The following RNH1 variants were observed in gnomAD, a reference collection of about 807,000 sequenced individuals.
RNH1 encodes ribonuclease inhibitor.
RNH1 carries 38 observed loss-of-function variants against 46.1 expected under a neutral mutation model. The ratio of observed to expected loss-of-function variants is 0.82; its 90% confidence interval spans 0.64 to 1.08. The LOEUF is 1.08. Among genes scored for constraint, RNH1 ranks in the 50% least tolerant of loss-of-function variants. The probability of loss-of-function intolerance (pLI) is 0.00; values close to 1 mark genes in which losing one functional copy is unlikely to be tolerated. For missense variants in RNH1, 577 were observed against 590.7 expected, an observed-to-expected ratio of 0.98 and a Z score of 0.24; for synonymous variants, 319 against 279.1, an observed-to-expected ratio of 1.14 and a Z score of -1.43.
chr11:498,327 G>T, intron 8 of RNH1, 130 bp downstream of exon 8: 1 of 1,332,960 alleles, frequency 7.5e-7, no homozygotes, highest in Non-Finnish European at 1.0e-6. Flanking sequence ...GCTGCTCCCT[G>T]GCCTATGCAT....
intron 4 of RNH1, 79 bp from the exon 5 acceptor site, chr11:500,078 G>GAGC (rs1332405435): frequency 1.8e-5 from 26 of 1,429,446 alleles, no homozygotes; most frequent in Admixed American, 2.5e-5. Context: ...CCAGAGCCCG[G>GAGC]AGCAGCACTC....
chr11:498,159 A>C lies in RNH1; in HGVS notation c.957-18T>G, dbSNP rs369604821. On this transcript the variant is annotated intron_variant, in intron 8 of 10. Coordinates refer to ENST00000354420, the MANE Select transcript of RNH1 (RefSeq NM_203387.3). ...ACTTCACCCTGTGGACACAGACAGG[A>C]CTGACGCCTGGCAGGGGCCCAGGCT... 1,164 of 1,604,688 alleles carry C rather than the reference A, an allele frequency of 7.3e-4. No homozygotes were observed. Among genetic ancestry groups the C allele is most frequent in the Non-Finnish European group, 9.0e-4 (1,053 of 1,174,820 alleles).
chr11:497,571 ACGTG>A (rs1565019623), intron 9 of RNH1, among the ~76,000 whole-genome samples: 3 of 118,972 alleles, frequency 2.5e-5, no homozygotes, highest in Non-Finnish European at 3.6e-5. Context: ...ACACACGGAC[ACGTG>A]CTCATTCTTG....
At chr11:500,812 G>T in intron 3 of RNH1, 158 bp from the exon 4 acceptor site, 1 of 890,956 alleles carries the variant, frequency 1.1e-6, no homozygotes, top group Non-Finnish European at 1.8e-6. Context: ...AGGAGGAACT[G>T]TTCCATGAAA....
intron 2 of RNH1, 25 bp downstream of exon 2, chr11:504,799 G>C (rs1354852052): frequency 6.6e-6 from 1 of 152,262 alleles, no homozygotes; most frequent in African/African-American, 2.4e-5. Flanking sequence ...TCCAGGAATT[G>C]CCCAAACAAT....
rs919886682 is a variant in RNH1, at chr11:499,012, T to G, written c.614+3A>C. ...CCGCACCCCCCCAAGGCCCAGTGCC[T>G]ACTTGAGCGCCTCCAGCTGGCAGGG... On this transcript the variant is annotated splice_donor_region_variant and intron_variant, in intron 6 of 10. Transcript: ENST00000354420. The G allele has an allele frequency of 6.2e-7, 1 of 1,611,848 alleles. No individual in the cohort carries two copies. The highest frequency in any genetic ancestry group is 1.3e-5 in the African/African-American group (1 of 74,750).
chr11:505,391 G>C (rs1850177678), intron 1 of RNH1: 1 of 152,166 alleles, frequency 6.6e-6, no homozygotes, highest in African/African-American at 2.4e-5. Flanking sequence ...GGGGTGTCTG[G>C]GCGGCCGGCA....
Position 501,942 on chromosome 11 carries a change from C to T in RNH1, c.101+120G>A, listed in dbSNP as rs1290780989. ...ACATCTCATGCACGTGGTAGCTGCA[C>T]AGAATTCATACTTCATGTCCACAAA... On this transcript the variant is annotated intron_variant, in intron 3 of 10. Transcript: ENST00000354420. The surrounding 1 kb of genome is among the most constrained non-coding windows in gnomAD (Gnocchi z 4.1). The T allele has an allele frequency of 7.6e-6, 5 of 658,106 alleles. No homozygotes were observed. The highest frequency in any genetic ancestry group is 1.1e-5 in the Non-Finnish European group (4 of 369,256). 40.8% of individuals were successfully genotyped at this position (658,106 alleles called of 1,614,324 possible). A position where few individuals can be genotyped will look rare whatever the true frequency, so the allele number is the denominator to read the frequency against.
In RNH1 at chr11:498,624, G is replaced by C; in HGVS notation, c.789C>G (p.Ile263Met). 1 of 1,612,092 alleles carries C rather than the reference G, an allele frequency of 6.2e-7. No homozygotes were observed. The highest frequency in any genetic ancestry group is 8.5e-7 in the Non-Finnish European group (1 of 1,179,980). ...HPSSRLRTLW[I>M]WECGITAKGC... is the part of the protein sequence containing the mutation. Reference sequence around the variant, plus strand: ...CCTTGGCAGTGATGCCACACTCCCAGATCCTGCAGGACATGGACCACCACA... The same window carrying C: ...CCTTGGCAGTGATGCCACACTCCCACATCCTGCAGGACATGGACCACCACA... The change falls in exon 8 of 11, where the codon ATC (isoleucine) becomes ATG (methionine). Residue 263 changes from isoleucine to methionine, a missense_variant. Transcript: ENST00000354420.
In RNH1 at chr11:500,687, G is replaced by A. The variant is rs866561718; in HGVS notation, c.102-33C>T. On this transcript the variant is annotated intron_variant, in intron 3 of 10. Transcript: ENST00000354420. ...CAGACCCCAGGGTCATGTGGACCAC[G>A]CAGACAGCACTGGCCTCAGCCTCCA... is the stretch of plus-strand genomic sequence containing the variant. The A allele has an allele frequency of 1.8e-5, 29 of 1,599,092 alleles. 1 individual carries two copies. The Middle Eastern group carries it at 1.2e-3, about 63-fold the overall frequency.
Position 499,058 on chromosome 11 carries a change from A to C in RNH1, c.571T>G (p.Cys191Gly). Residue 191 changes from cysteine (C) to glycine (G), a missense_variant, in exon 6 of 11, where the codon TGC becomes GGC. Transcript: ENST00000354420. The stretch of plus-strand genomic sequence containing the variant: ...CAGGGGGAGTCCTTCAGGCCCTGGC[A>C]CAGCACACGGACGCCAGCCTCATTG... The part of the protein sequence containing the change: ...DINEAGVRVL[C>G]QGLKDSPCQL... 6.2e-7 allele frequency: 1 copy of C among 1,613,216 alleles called. No individual in the cohort carries two copies. Among genetic ancestry groups the C allele is most frequent in the Non-Finnish European group, 8.5e-7 (1 of 1,179,904 alleles).
Position 498,934 on chromosome 11 carries a change from C to T in RNH1, c.615-1G>A, listed in dbSNP as rs1402155458. 2.5e-6 allele frequency: 4 copies of T among 1,612,420 alleles called. No homozygotes were observed. Among genetic ancestry groups the T allele is most frequent in the Non-Finnish European group, 3.4e-6 (4 of 1,179,648 alleles). ...TGATGTCACACCGCAGCTCTCCAGC[C>T]TGGGGACACGGGTCACACGTGAGGC... On this transcript the variant is annotated splice_acceptor_variant, in intron 6 of 10. Transcript: ENST00000354420. LOFTEE classifies it high-confidence loss of function.
In RNH1 at chr11:498,591, C is replaced by G. The variant is rs1360671066; in HGVS notation, c.822G>C (p.Gly274=). The G allele has an allele frequency of 1.2e-6, 2 of 1,612,968 alleles. No homozygotes were observed. The highest frequency in any genetic ancestry group is 4.5e-5 in the East Asian group (2 of 44,882). Residue 274 remains glycine (G), a synonymous_variant, in exon 8 of 11, where the codon GGG becomes GGC. Coordinates refer to ENST00000354420, the MANE Select transcript of RNH1 (RefSeq NM_203387.3). ...WECGITAKGC[G]DLCRVLRAKE... is the part of the protein sequence containing the mutation. ...TGGCCCTGAGGACACGGCACAGATC[C>G]CCGCAGCCCTTGGCAGTGATGCCAC...
chr11:499,222 T>C (rs749221559), intron 5 of RNH1, 37 bp from the exon 6 acceptor site: 19 of 1,605,250 alleles, frequency 1.2e-5, no homozygotes, highest in Non-Finnish European at 1.4e-5. Flanking sequence ...CACAGGAATG[T>C]GCACCAGCCA....
chr11:502,281 AG>A lies in RNH1; in HGVS notation c.-87-33del. 2.6e-6 allele frequency: 2 copies of A among 773,788 alleles called. No homozygotes were observed. The highest frequency in any genetic ancestry group is 4.4e-6 in the Non-Finnish European group (2 of 456,874). The allele number at this position is 773,788 out of a possible 1,614,324, so 47.9% of individuals were successfully genotyped here. A position where few individuals can be genotyped will look rare whatever the true frequency, so the allele number is the denominator to read the frequency against. On this transcript the variant is annotated intron_variant, in intron 2 of 10. Coordinates refer to ENST00000354420, the MANE Select transcript of RNH1 (RefSeq NM_203387.3). The surrounding 1 kb of genome is among the most constrained non-coding windows in gnomAD (Gnocchi z 5.8). ...ACAGGACCCACAGGGCTGATGTTTCAGGAGGAGCCGCAGCCTCTCCCTGGGC... is the reference window on the plus strand; with the variant it reads ...ACAGGACCCACAGGGCTGATGTTTCAGAGGAGCCGCAGCCTCTCCCTGGGC...
intron 9 of RNH1, 69 bp from the exon 10 acceptor site, chr11:495,122 C>A: frequency 2.0e-6 from 3 of 1,508,044 alleles, no homozygotes; most frequent in Non-Finnish European, 2.7e-6. Context: ...CAGAGCAGGC[C>A]TGGGCCTGGG....
chr11:495,051 A>G lies in RNH1; in HGVS notation c.1130T>C (p.Leu377Ser). 6.2e-7 allele frequency: 1 copy of G among 1,603,872 alleles called. No homozygotes were observed. The highest frequency in any genetic ancestry group is 8.5e-7 in the Non-Finnish European group (1 of 1,176,244). Residue 377 changes from leucine to serine, a missense_variant and splice_region_variant, in exon 10 of 11, where the codon TTG becomes TCG. Transcript: ENST00000354420. Reference protein sequence around the residue: ...QPGSVLRVLWLADCDVSDSSC... With the variant: ...QPGSVLRVLWSADCDVSDSSC... ...GCTGTCACTCACATCGCAGTCGGCC[A>G]ACCTGGGTGAAGCAGGGCGGGGGTC...
chr11:502,391 A>C lies in RNH1; in HGVS notation c.-87-142T>G. ...GGGCAGGGGGCAGGGACCAGCACCC[A>C]CCCCCAGAAAGGCCACCATGGGCAG... On this transcript the variant is annotated intron_variant, in intron 2 of 10. Coordinates refer to ENST00000354420, the MANE Select transcript of RNH1 (RefSeq NM_203387.3). The surrounding 1 kb of genome is among the most constrained non-coding windows in gnomAD (Gnocchi z 5.8). 1 of 570,504 alleles carries C rather than the reference A, an allele frequency of 1.8e-6. No homozygotes were observed. The highest frequency in any genetic ancestry group is 3.1e-6 in the Non-Finnish European group (1 of 317,788). 35.3% of individuals were successfully genotyped at this position (570,504 alleles called of 1,614,324 possible). A position where few individuals can be genotyped will look rare whatever the true frequency, so the allele number is the denominator to read the frequency against.
In RNH1 at chr11:501,107, G is replaced by C. The variant is rs1331784825; in HGVS notation, c.102-453C>G. ...GAGCCACTCCAGCCTGGGTGACAGA[G>C]CAATGCCCTGTCTCTAAAAATAAAA... On this transcript the variant is annotated intron_variant, in intron 3 of 10. Transcript: ENST00000354420. The surrounding 1 kb of genome is among the most constrained non-coding windows in gnomAD (Gnocchi z 4.1). 3 of 315,774 alleles carry C rather than the reference G, an allele frequency of 9.5e-6. No individual in the cohort carries two copies. Among genetic ancestry groups the C allele is most frequent in the South Asian group, 2.7e-5 (1 of 37,244 alleles). 19.6% of individuals were successfully genotyped at this position (315,774 alleles called of 1,614,324 possible).
Sources: allele counts gnomAD v4.1 joint callset (sites outside exome capture counted in the v4.1 genomes callset), GRCh38; gene constraint gnomAD v4.1.1; non-coding constraint Gnocchi (gnomAD v3.1); transcripts MANE v1.5; gene names NCBI Gene and HGNC (gene_info 2026-07-23, HGNC 2026-07-21).